The following PLAAT5 variants were observed in gnomAD, a reference collection of about 807,000 sequenced individuals.
PLAAT5 encodes the protein phospholipase A and acyltransferase 5.
In PLAAT5, 27 loss-of-function variants were observed where a neutral mutation model predicts 27.8. The observed-to-expected ratio is 0.97, with a 90% CI of 0.72 to 1.34. PLAAT5 has a LOEUF of 1.34. PLAAT5 is among the 40% of genes most tolerant of loss of function. The pLI, the probability that PLAAT5 is intolerant of heterozygous loss-of-function variation, is 0.00. For missense variants in PLAAT5, 368 were observed against 343.8 expected, an observed-to-expected ratio of 1.07 and a Z score of -0.56; for synonymous variants, 125 against 136.1, an observed-to-expected ratio of 0.92 and a Z score of 0.57.
intron 5 of PLAAT5, 138 bp downstream of exon 5, chr11:63,465,972 G>T: frequency 3.3e-6 from 3 of 904,544 alleles, no homozygotes; most frequent in Non-Finnish European, 4.9e-6. Flanking sequence ...GAACCATAAA[G>T]TCCTGCAGAA....
At chr11:63,465,398 G>A (rs1276418681) in intron 5 of PLAAT5, among the ~76,000 whole-genome samples, 1 of 151,764 alleles carries the variant, frequency 6.6e-6, no homozygotes, top group Non-Finnish European at 1.5e-5. Flanking sequence ...GTGTGTGTGT[G>A]TGTGTGTGTG....
Position 63,463,322 on chromosome 11 carries a change from T to C in PLAAT5, c.*181A>G, listed in dbSNP as rs1301728163. The C allele has an allele frequency of 3.2e-6, 2 of 622,004 alleles. No individual in the cohort carries two copies. The highest frequency in any genetic ancestry group is 5.8e-6 in the Non-Finnish European group (2 of 345,012). The allele number at this position is 622,004 out of a possible 1,614,324, so 38.5% of individuals were successfully genotyped here. On this transcript the variant is annotated 3_prime_UTR_variant, in exon 6 of 6. Coordinates refer to ENST00000540857, the MANE Select transcript of PLAAT5 (RefSeq NM_001146729.2). ...TACCAGATCCTTCCCATCCTGAGAGTCTGTGGGTCTATGCTCGTATATATT... is the reference window on the plus strand; with the variant it reads ...TACCAGATCCTTCCCATCCTGAGAGCCTGTGGGTCTATGCTCGTATATATT...
intron 1 of PLAAT5, 42 bp downstream of exon 1, chr11:63,490,845 G>C: frequency 6.4e-7 from 1 of 1,558,422 alleles, no homozygotes; most frequent in Non-Finnish European, 8.7e-7. Flanking sequence ...GGACCTGAAG[G>C]ACAATTGCGG....
intron 3 of PLAAT5, among the ~76,000 whole-genome samples, chr11:63,473,629 C>T (rs2016082827): frequency 6.6e-6 from 1 of 150,784 alleles, no homozygotes; most frequent in Admixed American, 6.6e-5. Context: ...CAGATTTTGA[C>T]AAATGCTTTT....
chr11:63,469,145 T>TGA (rs1555025561), intron 3 of PLAAT5, among the ~76,000 whole-genome samples: 1,231 of 122,678 alleles, frequency 0.01, 23 homozygotes, highest in African/African-American at 0.028. Flanking sequence ...TGTGTGTGTG[T>TGA]GAGAGAGAGA....
At position 63,479,394 on chromosome 11, in the gene PLAAT5, T is replaced by C. The variant is rs144004990; in HGVS notation, c.345+9477A>G. On this transcript the variant is annotated intron_variant, in intron 3 of 5. Coordinates refer to ENST00000540857, the MANE Select transcript of PLAAT5 (RefSeq NM_001146729.2). The stretch of plus-strand genomic sequence containing the variant: ...TGGCAAAGGATCAGAGAAACTGTTT[T>C]AAAATGTTCATAAGAAAGTCTGAAG... 4.1e-3 allele frequency among the ~76,000 whole-genome samples: 631 copies of C among 152,368 alleles called. 4 individuals carry two copies. The highest frequency in any genetic ancestry group is 0.014 in the African/African-American group (568 of 41,582).
intron 3 of PLAAT5, among the ~76,000 whole-genome samples, chr11:63,486,076 CAAT>C (rs765982813): frequency 6.6e-6 from 1 of 151,770 alleles, no homozygotes; most frequent in African/African-American, 2.4e-5. Flanking sequence ...AACCACGATG[CAAT>C]AATACCACCT....
chr11:63,486,011 C>T (rs967935423), intron 3 of PLAAT5, among the ~76,000 whole-genome samples: 1 of 152,086 alleles, frequency 6.6e-6, no homozygotes, highest in Non-Finnish European at 1.5e-5. Context: ...AAATGGCCAA[C>T]AAACATATTA....
intron 3 of PLAAT5, among the ~76,000 whole-genome samples, chr11:63,485,814 A>G (rs2016419533): frequency 6.6e-6 from 1 of 152,238 alleles, no homozygotes; most frequent in South Asian, 2.1e-4. Flanking sequence ...ACAGCAAAAG[A>G]AACAATAAGC....
rs57658167 is a variant in PLAAT5, at chr11:63,463,219, T to C, written c.*284A>G. On this transcript the variant is annotated 3_prime_UTR_variant, in exon 6 of 6. Coordinates refer to ENST00000540857, the MANE Select transcript of PLAAT5 (RefSeq NM_001146729.2). ...AGCCTAAGACACAAGCAAGGTCCCATCCTACAAAGAGAGTGAAATTAGATC... is the reference window on the plus strand; with the variant it reads ...AGCCTAAGACACAAGCAAGGTCCCACCCTACAAAGAGAGTGAAATTAGATC... 3,246 of 365,602 alleles carry C rather than the reference T, an allele frequency of 8.9e-3. 95 individuals carry two copies. Among genetic ancestry groups the C allele is most frequent in the African/African-American group, 0.061 (3,024 of 49,496 alleles). The allele number at this position is 365,602 out of a possible 1,614,324, so 22.6% of individuals were successfully genotyped here.
In PLAAT5 at chr11:63,463,929, C is replaced by T. The variant is rs1336026521; in HGVS notation, c.718-334G>A. ...AACAGGGGATCCAAGAGCCAGGGAG[C>T]GGAACTCACTTGGACAGAGCCATAC... On this transcript the variant is annotated intron_variant, in intron 5 of 5. Coordinates refer to ENST00000540857, the MANE Select transcript of PLAAT5 (RefSeq NM_001146729.2). Among the ~76,000 whole-genome samples, 5 of 152,160 alleles carry T rather than the reference C, an allele frequency of 3.3e-5. No homozygotes were observed. In the South Asian group the frequency reaches 6.2e-4, roughly 19 times the overall value.
intron 3 of PLAAT5, among the ~76,000 whole-genome samples, chr11:63,476,730 A>C (rs925626537): frequency 1.3e-5 from 2 of 152,158 alleles, no homozygotes; most frequent in East Asian, 3.8e-4. Flanking sequence ...TTTTACATCA[A>C]ATTTGGAAAG....
rs143293131 is a variant in PLAAT5 at position 63,475,747 on chromosome 11, C to G, written c.346-7282G>C. 3.3e-5 allele frequency among the ~76,000 whole-genome samples: 5 copies of G among 151,750 alleles called. No individual in the cohort carries two copies. The East Asian group carries it at 9.6e-4, about 29-fold the overall frequency. On this transcript the variant is annotated intron_variant, in intron 3 of 5. Coordinates refer to ENST00000540857, the MANE Select transcript of PLAAT5 (RefSeq NM_001146729.2). Reference sequence around the variant, plus strand: ...GTATTTTCTAATGATCATTTTAATTCCTCTGTTAACTTTTTAATAACATTT... The same window carrying G: ...GTATTTTCTAATGATCATTTTAATTGCTCTGTTAACTTTTTAATAACATTT...
chr11:63,466,508 T>A (rs374038618), intron 4 of PLAAT5, 136 bp from the exon 5 acceptor site: 9 of 900,210 alleles, frequency 1.0e-5, no homozygotes, highest in East Asian at 5.3e-5. Context: ...AGAGGGGAAG[T>A]TGGAATCAAA....
At chr11:63,474,395 G>A (rs2016104786) in intron 3 of PLAAT5, among the ~76,000 whole-genome samples, 1 of 152,058 alleles carries the variant, frequency 6.6e-6, no homozygotes, top group Non-Finnish European at 1.5e-5. Flanking sequence ...TTTTTCTTGA[G>A]CCAGTTTTAT....
chr11:63,471,510 T>A (rs1392874968), intron 3 of PLAAT5, among the ~76,000 whole-genome samples: 1 of 152,192 alleles, frequency 6.6e-6, no homozygotes, highest in Non-Finnish European at 1.5e-5. Flanking sequence ...TTCTTTTTCA[T>A]TAGTTGGGCA....
chr11:63,470,672 T>C (rs1369124182), intron 3 of PLAAT5: 1 of 152,472 alleles, frequency 6.6e-6, no homozygotes, highest in Admixed American at 6.5e-5. Flanking sequence ...CCTACAAATA[T>C]AAATAATGTG....
chr11:63,478,229 T>C lies in PLAAT5; in HGVS notation c.346-9764A>G, dbSNP rs144221364. Among the ~76,000 whole-genome samples, 629 of 152,224 alleles carry C rather than the reference T, an allele frequency of 4.1e-3. 4 individuals are homozygous for C. Among genetic ancestry groups the C allele is most frequent in the African/African-American group, 0.014 (566 of 41,546 alleles). On this transcript the variant is annotated intron_variant, in intron 3 of 5. Transcript: ENST00000540857. Reference sequence around the variant, plus strand: ...CTCCCACAAGCCCCACCCACCTGGATAGAACTTCCTTACCACAACCGCAGA... The same window carrying C: ...CTCCCACAAGCCCCACCCACCTGGACAGAACTTCCTTACCACAACCGCAGA...
At chr11:63,482,148 G>A (rs2016302861) in intron 3 of PLAAT5, among the ~76,000 whole-genome samples, 1 of 152,140 alleles carries the variant, frequency 6.6e-6, no homozygotes, top group Non-Finnish European at 1.5e-5. Flanking sequence ...AAAATAATTA[G>A]TGTTCCTGAG....
Sources: gnomAD v4.1 joint callset for allele counts (sites outside exome capture counted in the v4.1 genomes callset) on GRCh38, gnomAD v4.1.1 for gene constraint, MANE v1.5 for transcripts, NCBI Gene and HGNC (gene_info 2026-07-23, HGNC 2026-07-21) for gene names.